The following SAMMSON variants were observed in gnomAD, a reference collection of about 807,000 sequenced individuals.
SAMMSON encodes survival associated mitochondrial melanoma specific oncogenic non-coding RNA.
chr3:70,198,118 G>T (rs1172575607), intron 4 of SAMMSON, among the ~76,000 whole-genome samples: 6 of 152,086 alleles, frequency 3.9e-5, no homozygotes, highest in Non-Finnish European at 7.4e-5. Flanking sequence ...TAAAAGGGTA[G>T]GTAAGTGTTC....
intron 6 of SAMMSON, among the ~76,000 whole-genome samples, chr3:70,261,358 A>C (rs1370887209): frequency 1.3e-5 from 2 of 152,222 alleles, no homozygotes; most frequent in African/African-American, 4.8e-5. Flanking sequence ...CTTCAAAAAA[A>C]GTTGATGTGA....
At chr3:70,051,033 G>A (rs547068097) in intron 3 of SAMMSON, among the ~76,000 whole-genome samples, 91 of 150,612 alleles carry the variant, frequency 6.0e-4, no homozygotes, top group Admixed American at 1.5e-3. Context: ...CTACTTGGGA[G>A]GCAGAGGCAG....
intron 6 of SAMMSON, among the ~76,000 whole-genome samples, chr3:70,281,730 T>G (rs1233994137): frequency 6.6e-6 from 1 of 152,150 alleles, no homozygotes; most frequent in Non-Finnish European, 1.5e-5. Context: ...CTTCTCGTCT[T>G]TGGAATTCCG....
At chr3:70,403,324 T>C (rs1424939839) in intron 2 of SAMMSON, among the ~76,000 whole-genome samples, 1 of 152,058 alleles carries the variant, frequency 6.6e-6, no homozygotes, top group African/African-American at 2.4e-5. Flanking sequence ...AGCCAGGGGA[T>C]AGGGGCCAAA....
chr3:70,035,722 C>G (rs994793151), intron 3 of SAMMSON, among the ~76,000 whole-genome samples: 1 of 152,124 alleles, frequency 6.6e-6, no homozygotes, highest in Non-Finnish European at 1.5e-5. Flanking sequence ...AACCTTTCAA[C>G]TGATGATAGC....
At chr3:70,338,022 TG>T (rs1488179792) in intron 7 of SAMMSON, among the ~76,000 whole-genome samples, 2 of 151,740 alleles carry the variant, frequency 1.3e-5, no homozygotes, top group Non-Finnish European at 2.9e-5. Flanking sequence ...TATAGTCATC[TG>T]TTTTTATTAT....
intron 4 of SAMMSON, among the ~76,000 whole-genome samples, chr3:70,188,199 G>C (rs1182073131): frequency 6.6e-6 from 1 of 152,092 alleles, no homozygotes; most frequent in African/African-American, 2.4e-5. Flanking sequence ...GAAGACATGG[G>C]GTTTGAAGTC....
At chr3:70,004,153 C>A (rs1401567436) in intron 1 of SAMMSON, among the ~76,000 whole-genome samples, 1 of 152,080 alleles carries the variant, frequency 6.6e-6, no homozygotes, top group East Asian at 1.9e-4. Context: ...CACACAGACA[C>A]AAGACACCTG....
chr3:70,304,031 T>G (rs370982119), intron 7 of SAMMSON, among the ~76,000 whole-genome samples: 102 of 152,292 alleles, frequency 6.7e-4, no homozygotes, highest in African/African-American at 2.4e-3. Context: ...TTTACTACAA[T>G]ATAAACTATA....
chr3:70,119,294 T>G (rs923970075), intron 4 of SAMMSON, among the ~76,000 whole-genome samples: 1 of 152,194 alleles, frequency 6.6e-6, no homozygotes, highest in African/African-American at 2.4e-5. Flanking sequence ...CTCGAACTCC[T>G]GACCTCAGGT....
intron 3 of SAMMSON, among the ~76,000 whole-genome samples, chr3:70,044,131 T>C (rs2067115377): frequency 6.6e-6 from 1 of 152,064 alleles, no homozygotes; most frequent in Non-Finnish European, 1.5e-5. Context: ...TTTTTGTTAC[T>C]TTATGGCATT....
intron 4 of SAMMSON, among the ~76,000 whole-genome samples, chr3:70,213,730 C>G (rs929651643): frequency 3.9e-5 from 6 of 152,100 alleles, no homozygotes; most frequent in African/African-American, 9.7e-5. Flanking sequence ...TGATTATACT[C>G]TCTGCAGCTT....
intron 7 of SAMMSON, among the ~76,000 whole-genome samples, chr3:70,337,013 ATATTAT>A (rs558392621): frequency 4.7e-4 from 68 of 144,016 alleles, no homozygotes; most frequent in African/African-American, 1.7e-3. Context: ...ATCTAACTTA[ATATTAT>A]TATTATTAAT....
chr3:70,132,388 G>C (rs1292045861), intron 4 of SAMMSON, among the ~76,000 whole-genome samples: 1 of 152,142 alleles, frequency 6.6e-6, no homozygotes, highest in Admixed American at 6.5e-5. Context: ...ACCCCAAAGT[G>C]AACATGAGGT....
At chr3:70,278,464 A>G (rs1396301854) in intron 6 of SAMMSON, among the ~76,000 whole-genome samples, 1 of 152,200 alleles carries the variant, frequency 6.6e-6, no homozygotes, top group African/African-American at 2.4e-5. Context: ...TTTTAGCTTT[A>G]GGTGGATACT....
chr3:70,003,533 G>A (rs1003996339), intron 1 of SAMMSON, among the ~76,000 whole-genome samples: 8 of 151,716 alleles, frequency 5.3e-5, no homozygotes, highest in Admixed American at 3.3e-4. Flanking sequence ...ACATATCAAA[G>A]TCTAATATTA....
At chr3:70,363,695 A>G (rs1378559036) in intron 9 of SAMMSON, among the ~76,000 whole-genome samples, 1 of 151,970 alleles carries the variant, frequency 6.6e-6, no homozygotes, top group Non-Finnish European at 1.5e-5. Context: ...TTTAATTTGC[A>G]ATGTCACTAG....
At chr3:70,352,473 G>A (rs868830073) in intron 7 of SAMMSON, among the ~76,000 whole-genome samples, 1 of 152,028 alleles carries the variant, frequency 6.6e-6, no homozygotes, top group Non-Finnish European at 1.5e-5. Flanking sequence ...GAAAATAAGA[G>A]AATTTGTCAC....
intron 7 of SAMMSON, among the ~76,000 whole-genome samples, chr3:70,329,288 A>G (rs1053313012): frequency 6.6e-6 from 1 of 152,118 alleles, no homozygotes; most frequent in Non-Finnish European, 1.5e-5. Context: ...ATTTGCCTTT[A>G]TGGTTCTTTA....
Sources: allele counts gnomAD v4.1 joint callset (sites outside exome capture counted in the v4.1 genomes callset), GRCh38; gene constraint gnomAD v4.1.1; transcripts MANE v1.5; gene names NCBI Gene and HGNC (gene_info 2026-07-23, HGNC 2026-07-21).